MTFR1: variants seen among roughly 807,000 people sequenced by gnomAD.
MTFR1 encodes the protein chondrocyte protein with a poly-proline region.
MTFR1 carries 28 observed loss-of-function variants against 38.8 expected under a neutral mutation model. That is an observed-to-expected ratio of 0.72 (90% CI 0.53 to 0.99). The LOEUF is 0.99. Ranked by LOEUF, MTFR1 falls within the 50% of genes least tolerant of loss-of-function variation. The pLI is 0.00. For synonymous variants in MTFR1, 145 were observed against 137.0 expected (o/e 1.06, Z -0.41); for missense variants, 358 against 395.5 (o/e 0.91, Z 0.81).
chr8:65,726,914 C>A (rs1208257915), intron 3 of MTFR1: 1 of 1,609,456 alleles, frequency 6.2e-7, no homozygotes, highest in South Asian at 1.1e-5. Flanking sequence ...GCCTGATTCT[C>A]TCAATAAGCC....
rs1585801183 is a variant in MTFR1, at chr8:65,707,077, T to C, written c.585T>C (p.Pro195=). 3.7e-6 allele frequency: 5 copies of C among 1,345,382 alleles called. No individual in the cohort carries two copies. Among genetic ancestry groups the C allele is most frequent in the Non-Finnish European group, 3.1e-6 (3 of 981,164 alleles). The allele number at this position is 1,345,382 out of a possible 1,614,324, so 83.3% of individuals were successfully genotyped here. A position where few individuals can be genotyped will look rare whatever the true frequency, so the allele number is the denominator to read the frequency against. ...CTCCACCTCCCCCACCGCCCCTGCC[T>C]CCCCCTGCACTGGGGCTCCACCAAA... ...PHPPPPPPPL[P]PPALGLHQST... The change falls in exon 6 of 8, where the codon CCT becomes CCC. Residue 195 remains proline (P), a synonymous_variant. Coordinates refer to ENST00000262146, the MANE Select transcript of MTFR1 (RefSeq NM_014637.4).
intron 4 of MTFR1, among the ~76,000 whole-genome samples, chr8:65,704,280 A>G (rs1243657653): frequency 2.6e-5 from 4 of 152,110 alleles, no homozygotes; most frequent in Non-Finnish European, 5.9e-5. Context: ...CAGTAAAAAA[A>G]GCAAAAAGAT....
At chr8:65,771,134 G>A (rs1809067326) in exon 4 of MTFR1, 1 of 263,730 alleles carries the variant, frequency 3.8e-6, no homozygotes, top group African/African-American at 2.3e-5. Flanking sequence ...TGTTAATTTT[G>A]AGGCCTATAA....
At position 65,730,171 on chromosome 8, in the gene MTFR1, CTTTTTTTTTTTTTT is replaced by C. The variant is rs1179431555; in HGVS notation, c.*48+10703_*48+10716del. ...TGTGAGGGATCCAGGTTGCGCACTT[CTTTTTTTTTTTTTT>C]TTTTTTTTTTTTGAGATGGAGTTTC... On this transcript the variant is annotated intron_variant, in intron 3 of 3. Coordinates refer to the MTFR1 transcript ENST00000521247. Among the ~76,000 whole-genome samples, 45 of 86,448 alleles carry C rather than the reference CTTTTTTTTTTTTTT, an allele frequency of 5.2e-4. 1 individual carries two copies. The highest frequency in any genetic ancestry group is 1.6e-3 in the African/African-American group (34 of 20,938). 56.7% of individuals were successfully genotyped at this position (86,448 alleles called of 152,430 possible).
At chr8:65,767,204 G>A (rs1347194727) in intron 3 of MTFR1, among the ~76,000 whole-genome samples, 3 of 152,140 alleles carry the variant, frequency 2.0e-5, no homozygotes. Flanking sequence ...AGGGCAAAGA[G>A]GTTAAACATG....
At chr8:65,659,293 T>G (rs1473222079) in intron 1 of MTFR1, among the ~76,000 whole-genome samples, 1 of 152,174 alleles carries the variant, frequency 6.6e-6, no homozygotes, top group Non-Finnish European at 1.5e-5. Flanking sequence ...GAATAAATTC[T>G]CGGTGCTACA....
At chr8:65,739,388 A>G (rs1445133514) in intron 3 of MTFR1, 1 of 1,197,014 alleles carries the variant, frequency 8.4e-7, no homozygotes, top group African/African-American at 1.6e-5. Flanking sequence ...TAAGCCACTA[A>G]TTTTGGCTGG....
intron 4 of MTFR1, 82 bp downstream of exon 4, chr8:65,693,841 T>C: frequency 9.8e-7 from 1 of 1,023,120 alleles, no homozygotes; most frequent in Non-Finnish European, 1.5e-6. Context: ...TTATTTTTAA[T>C]AGCCTAATTT....
At chr8:65,733,759 A>G (rs1330342099) in intron 3 of MTFR1, among the ~76,000 whole-genome samples, 1 of 152,208 alleles carries the variant, frequency 6.6e-6, no homozygotes, top group Non-Finnish European at 1.5e-5. Flanking sequence ...ATATACTAAA[A>G]AACGGGCATT....
chr8:65,728,894 TGAC>T (rs1806718855), intron 3 of MTFR1, among the ~76,000 whole-genome samples: 1 of 152,086 alleles, frequency 6.6e-6, no homozygotes, highest in Non-Finnish European at 1.5e-5. Flanking sequence ...AATAGGAACA[TGAC>T]AATAAGCAAC....
At chr8:65,730,669 T>C (rs1487447869) in intron 3 of MTFR1, among the ~76,000 whole-genome samples, 2 of 152,192 alleles carry the variant, frequency 1.3e-5, no homozygotes, top group African/African-American at 2.4e-5. Flanking sequence ...GGCTCATGCC[T>C]GTAATTCCAG....
intron 2 of MTFR1, among the ~76,000 whole-genome samples, chr8:65,677,952 G>T (rs1804762294): frequency 6.7e-6 from 1 of 149,942 alleles, no homozygotes; most frequent in Admixed American, 6.7e-5. Context: ...GGAGGCAGAG[G>T]TTGCAGTGAG....
intron 1 of MTFR1, among the ~76,000 whole-genome samples, chr8:65,646,545 T>C (rs965064554): frequency 5.9e-5 from 9 of 152,204 alleles, no homozygotes; most frequent in African/African-American, 2.2e-4. Flanking sequence ...AAATTTGATG[T>C]CCTGAGAAAA....
At chr8:65,765,901 T>A (rs1311033386) in intron 3 of MTFR1, among the ~76,000 whole-genome samples, 2 of 152,188 alleles carry the variant, frequency 1.3e-5, no homozygotes, top group African/African-American at 4.8e-5. Flanking sequence ...TAAAGAATGA[T>A]TTATTAAGTT....
At chr8:65,735,767 A>C (rs935051211) in intron 3 of MTFR1, among the ~76,000 whole-genome samples, 1 of 152,106 alleles carries the variant, frequency 6.6e-6, no homozygotes, top group African/African-American at 2.4e-5. Flanking sequence ...CTGGGATTAC[A>C]GGCACCTGCC....
intron 3 of MTFR1, among the ~76,000 whole-genome samples, chr8:65,684,708 A>G (rs1386586395): frequency 1.3e-5 from 2 of 151,826 alleles, no homozygotes; most frequent in African/African-American, 4.8e-5. Flanking sequence ...TTAAAATTCA[A>G]CATCGGTGTT....
chr8:65,734,006 A>G (rs1265536510), intron 3 of MTFR1, among the ~76,000 whole-genome samples: 1 of 152,234 alleles, frequency 6.6e-6, no homozygotes, highest in African/African-American at 2.4e-5. Context: ...CCTGCAGACA[A>G]TGATTCCCAA....
At chr8:65,719,274 C>T (rs774796286) in intron 2 of MTFR1, 11 of 1,591,372 alleles carry the variant, frequency 6.9e-6, no homozygotes, top group East Asian at 2.2e-5. Flanking sequence ...GCAGTTTGTC[C>T]CACTGGTTCT....
intron 4 of MTFR1, among the ~76,000 whole-genome samples, chr8:65,696,412 T>C (rs546985848): frequency 6.6e-6 from 1 of 152,274 alleles, no homozygotes; most frequent in African/African-American, 2.4e-5. Context: ...TTTCACTCAG[T>C]CTCCTTCAAT....
Sources: allele counts gnomAD v4.1 joint callset (sites outside exome capture counted in the v4.1 genomes callset), GRCh38; gene constraint gnomAD v4.1.1; transcripts MANE v1.5; gene names NCBI Gene and HGNC (gene_info 2026-07-23, HGNC 2026-07-21).